The following EPM2A variants were observed in gnomAD, a reference collection of about 807,000 sequenced individuals.
The protein encoded by EPM2A is EPM2A glucan phosphatase, laforin.
In EPM2A, 21 loss-of-function variants were observed where a neutral mutation model predicts 26.5. That is an observed-to-expected ratio of 0.79 (90% CI 0.56 to 1.14). The LOEUF is 1.14. EPM2A is among the 50% of genes most tolerant of loss of function. The pLI is 0.00. For missense variants in EPM2A, 458 were observed against 440.8 expected (o/e 1.04, Z -0.35); for synonymous variants, 217 against 177.6 (o/e 1.22, Z -1.76).
At chr6:145,562,635 G>T (rs1419517894) in intron 2 of EPM2A, among the ~76,000 whole-genome samples, 1 of 152,008 alleles carries the variant, frequency 6.6e-6, no homozygotes, top group African/African-American at 2.4e-5. Context: ...TAGAATTCAG[G>T]TCTGGGGAGG....
intron 4 of EPM2A, among the ~76,000 whole-genome samples, chr6:145,425,930 G>A (rs1778849343): frequency 6.6e-6 from 1 of 152,130 alleles, no homozygotes; most frequent in African/African-American, 2.4e-5. Context: ...TGAGTTTCAT[G>A]AAGATTATTG....
intron 4 of EPM2A, among the ~76,000 whole-genome samples, chr6:145,403,352 T>A (rs1479364293): frequency 6.6e-6 from 1 of 151,992 alleles, no homozygotes; most frequent in Non-Finnish European, 1.5e-5. Flanking sequence ...TCTAACTATT[T>A]TTTGTACCCA....
intron 4 of EPM2A, among the ~76,000 whole-genome samples, chr6:145,388,938 A>ATT (rs1434544201): frequency 6.6e-6 from 1 of 151,902 alleles, no homozygotes. Context: ...GTTGGTTCCA[A>ATT]GTCTTTGCTA....
At chr6:145,412,194 G>A (rs1050869526) in intron 4 of EPM2A, among the ~76,000 whole-genome samples, 2 of 144,896 alleles carry the variant, frequency 1.4e-5, no homozygotes, top group African/African-American at 5.1e-5. Flanking sequence ...TCTAGCCTGG[G>A]CGACACTGAG....
intron 3 of EPM2A, chr6:145,629,865 T>G (rs549960763): frequency 6.6e-6 from 1 of 152,262 alleles, no homozygotes; most frequent in African/African-American, 2.4e-5. Context: ...TCATTTGCAG[T>G]AGGAGCTGCT....
intron 4 of EPM2A, among the ~76,000 whole-genome samples, chr6:145,494,359 T>C (rs190623549): frequency 3.3e-5 from 5 of 152,342 alleles, no homozygotes; most frequent in Admixed American, 3.3e-4. Context: ...TTGTGTTTAT[T>C]TGGATCTTCT....
rs139840730 is a variant in EPM2A, at chr6:145,387,815, AG to A, written c.556-3719del. ...CCGTAGATGAGATAAGAGTCACAAA[AG>A]TTGTGTTCCTGGAACCAAGTGCCAA... is the stretch of plus-strand genomic sequence containing the variant. On this transcript the variant is annotated intron_variant, in intron 4 of 4. Coordinates refer to the EPM2A transcript ENST00000638717. 3.8e-3 allele frequency among the ~76,000 whole-genome samples: 577 copies of A among 152,200 alleles called. 7 individuals are homozygous for A. Among genetic ancestry groups the A allele is most frequent in the Non-Finnish European group, 5.7e-3 (388 of 68,008 alleles).
At chr6:145,620,309 G>A (rs117425468), downstream of EPM2A, among the ~76,000 whole-genome samples, 7 of 152,198 alleles carry the variant, frequency 4.6e-5, no homozygotes, top group East Asian at 9.7e-4. Flanking sequence ...TTCACAATCC[G>A]CTGACAATCT....
At chr6:145,550,925 C>T (rs1423620814) in intron 2 of EPM2A, among the ~76,000 whole-genome samples, 8 of 151,846 alleles carry the variant, frequency 5.3e-5, no homozygotes, top group African/African-American at 9.7e-5. Flanking sequence ...TTAGTAGTTT[C>T]GTTTGGGGAA....
intron 1 of EPM2A, among the ~76,000 whole-genome samples, chr6:145,726,440 C>T (rs555432733): frequency 5.3e-5 from 8 of 152,176 alleles, no homozygotes; most frequent in African/African-American, 1.9e-4. Flanking sequence ...ACTTTTTAAA[C>T]GTGAGCACTG....
chr6:145,439,169 T>A (rs964495096), intron 4 of EPM2A, among the ~76,000 whole-genome samples: 14 of 152,202 alleles, frequency 9.2e-5, no homozygotes, highest in African/African-American at 3.1e-4. Flanking sequence ...TGCATAGTAT[T>A]CCATGGTGTA....
intron 4 of EPM2A, among the ~76,000 whole-genome samples, chr6:145,399,597 G>A (rs1778454008): frequency 6.6e-6 from 1 of 152,074 alleles, no homozygotes; most frequent in South Asian, 2.1e-4. Flanking sequence ...AAAAAGTATT[G>A]TGGAATAACA....
At chr6:145,540,659 A>C (rs1338326880) in intron 2 of EPM2A, among the ~76,000 whole-genome samples, 2 of 152,210 alleles carry the variant, frequency 1.3e-5, no homozygotes, top group African/African-American at 4.8e-5. Context: ...GTAAAGAATA[A>C]AATACTTTGC....
At chr6:145,727,385 C>A (rs1384446168) in intron 1 of EPM2A, among the ~76,000 whole-genome samples, 2 of 152,030 alleles carry the variant, frequency 1.3e-5, no homozygotes, top group East Asian at 3.9e-4. Flanking sequence ...GCAGATTAGA[C>A]CTAGAAGAAA....
intron 1 of EPM2A, among the ~76,000 whole-genome samples, chr6:145,705,364 T>G (rs953745737): frequency 6.6e-6 from 1 of 152,018 alleles, no homozygotes; most frequent in African/African-American, 2.4e-5. Context: ...TATATAGAGA[T>G]AGATAGATAT....
At chr6:145,696,906 A>G (rs1335975772) in intron 1 of EPM2A, among the ~76,000 whole-genome samples, 1 of 151,982 alleles carries the variant, frequency 6.6e-6, no homozygotes, top group African/African-American at 2.4e-5. Context: ...TTTTGGATAC[A>G]TGAGCACCAG....
chr6:145,423,586 A>C (rs1010527795), intron 4 of EPM2A, among the ~76,000 whole-genome samples: 1 of 152,192 alleles, frequency 6.6e-6, no homozygotes, highest in Non-Finnish European at 1.5e-5. Context: ...TCCCATATGC[A>C]CAAAACTTCC....
intron 4 of EPM2A, among the ~76,000 whole-genome samples, chr6:145,479,126 C>G (rs80022142): frequency 0.013 from 1,904 of 151,168 alleles, 43 homozygotes; most frequent in African/African-American, 0.045. Flanking sequence ...CTATGTTTAT[C>G]AATAGTGGAG....
At chr6:145,567,253 C>G (rs895023935) in intron 2 of EPM2A, among the ~76,000 whole-genome samples, 1 of 152,142 alleles carries the variant, frequency 6.6e-6, no homozygotes, top group Non-Finnish European at 1.5e-5. Flanking sequence ...TTGGAAAGTT[C>G]TTCCTTAAGA....
Sources: gnomAD v4.1 joint callset for allele counts (sites outside exome capture counted in the v4.1 genomes callset) on GRCh38, gnomAD v4.1.1 for gene constraint, MANE v1.5 for transcripts, NCBI Gene and HGNC (gene_info 2026-07-23, HGNC 2026-07-21) for gene names.